The following RERE variants were observed in gnomAD, a reference collection of about 807,000 sequenced individuals.
RERE encodes the protein arginine-glutamic acid dipeptide repeats protein.
RERE carries 40 observed loss-of-function variants against 146.1 expected under a neutral mutation model. The observed-to-expected ratio is 0.27, with a 90% CI of 0.21 to 0.36. RERE has a LOEUF of 0.36. Ranked by LOEUF, RERE falls within the 10% of genes least tolerant of loss-of-function variation. The pLI, the probability that RERE is intolerant of heterozygous loss-of-function variation, is 1.00. For synonymous variants in RERE, 1,003 were observed against 866.0 expected, an observed-to-expected ratio of 1.16 and a Z score of -2.78; for missense variants, 1,933 against 2,138.7, an observed-to-expected ratio of 0.90 and a Z score of 1.90.
intron 7 of RERE, among the ~76,000 whole-genome samples, chr1:8,515,225 G>A (rs1038130639): frequency 3.3e-5 from 5 of 151,972 alleles, no homozygotes; most frequent in Non-Finnish European, 7.4e-5. Flanking sequence ...AGCTGGTCAC[G>A]GTGGCACGCA....
chr1:8,518,819 C>T (rs998910730), intron 7 of RERE, among the ~76,000 whole-genome samples: 1 of 152,146 alleles, frequency 6.6e-6, no homozygotes, highest in Non-Finnish European at 1.5e-5. Flanking sequence ...ATCATATATT[C>T]CCATTCATTT....
chr1:8,805,540 T>C (rs1237190215), intron 1 of RERE, among the ~76,000 whole-genome samples: 1 of 151,956 alleles, frequency 6.6e-6, no homozygotes, highest in Non-Finnish European at 1.5e-5. Context: ...TCCCAGCTAC[T>C]TGAGAGGCTG....
At chr1:8,379,426 T>C (rs1478768849) in intron 12 of RERE, among the ~76,000 whole-genome samples, 4 of 152,300 alleles carry the variant, frequency 2.6e-5, no homozygotes, top group East Asian at 1.9e-4. Context: ...TCCAAGCCAC[T>C]GTTCTGGGTT....
At chr1:8,355,201 A>AAC in intron 22 of RERE, 81 bp from the exon 23 acceptor site, 1 of 1,454,440 alleles carries the variant, frequency 6.9e-7, no homozygotes, top group Non-Finnish European at 9.6e-7. Context: ...CCCCAAAGAC[A>AAC]ACAGCCAGGC....
chr1:8,533,657 C>T (rs1482256010), intron 7 of RERE, among the ~76,000 whole-genome samples: 1 of 152,174 alleles, frequency 6.6e-6, no homozygotes, highest in Non-Finnish European at 1.5e-5. Flanking sequence ...CCTGTTACTC[C>T]CCTCTAGGTT....
At chr1:8,764,811 C>T (rs1411494964) in intron 1 of RERE, among the ~76,000 whole-genome samples, 1 of 152,208 alleles carries the variant, frequency 6.6e-6, no homozygotes, top group Admixed American at 6.5e-5. Flanking sequence ...CCACTTCACA[C>T]CCATCAGAAT....
chr1:8,421,229 C>T (rs565632547), intron 12 of RERE, among the ~76,000 whole-genome samples: 1 of 152,222 alleles, frequency 6.6e-6, no homozygotes, highest in Admixed American at 6.5e-5. Context: ...GAGAAATCTA[C>T]TCACTGATCT....
intron 7 of RERE, among the ~76,000 whole-genome samples, chr1:8,517,185 A>G (rs1349780410): frequency 1.3e-5 from 2 of 152,210 alleles, no homozygotes; most frequent in Non-Finnish European, 2.9e-5. Context: ...AAAAATTTAA[A>G]GTTTTAAAAA....
At chr1:8,532,493 T>C (rs1477906427) in intron 7 of RERE, among the ~76,000 whole-genome samples, 1 of 152,178 alleles carries the variant, frequency 6.6e-6, no homozygotes, top group Non-Finnish European at 1.5e-5. Flanking sequence ...CAATCTTGGA[T>C]CACTGCAACC....
chr1:8,429,073 TAG>T (rs1177799962), intron 11 of RERE, among the ~76,000 whole-genome samples: 2 of 152,152 alleles, frequency 1.3e-5, no homozygotes, highest in Non-Finnish European at 2.9e-5. Context: ...AACACCACCC[TAG>T]AACAATAAAA....
At chr1:8,382,996 T>C (rs1224649465) in intron 12 of RERE, among the ~76,000 whole-genome samples, 1 of 133,278 alleles carries the variant, frequency 7.5e-6, no homozygotes, top group African/African-American at 2.8e-5. Flanking sequence ...TAAAGGACTA[T>C]TTTAATTGAC....
intron 2 of RERE, among the ~76,000 whole-genome samples, chr1:8,648,860 TCAAA>T (rs1336139276): frequency 6.6e-6 from 1 of 151,184 alleles, no homozygotes; most frequent in Admixed American, 6.6e-5. Flanking sequence ...AATAGGACAA[TCAAA>T]CAAAATTATC....
chr1:8,713,142 C>T (rs1171316511), intron 1 of RERE, among the ~76,000 whole-genome samples: 1 of 152,150 alleles, frequency 6.6e-6, no homozygotes, highest in African/African-American at 2.4e-5. Flanking sequence ...GGAGGAGGAA[C>T]AGTTTGTCTT....
At chr1:8,718,960 G>T (rs17032760) in intron 1 of RERE, among the ~76,000 whole-genome samples, 7,238 of 152,138 alleles carry the variant, frequency 0.048, 571 homozygotes, top group African/African-American at 0.17. Context: ...TCGACTTATT[G>T]TAAAAACCTG....
chr1:8,713,849 C>G (rs1021992327), intron 1 of RERE, among the ~76,000 whole-genome samples: 3 of 152,126 alleles, frequency 2.0e-5, no homozygotes, highest in Admixed American at 1.3e-4. Context: ...TTACAATTTT[C>G]TGATTCCATT....
intron 4 of RERE, among the ~76,000 whole-genome samples, chr1:8,604,716 T>C (rs1375825848): frequency 6.6e-6 from 1 of 152,080 alleles, no homozygotes; most frequent in Non-Finnish European, 1.5e-5. Flanking sequence ...GAACGATCTT[T>C]CTGTATTTCT....
At chr1:8,593,477 A>G (rs1013162478) in intron 4 of RERE, among the ~76,000 whole-genome samples, 1 of 152,206 alleles carries the variant, frequency 6.6e-6, no homozygotes, top group Non-Finnish European at 1.5e-5. Context: ...GCCACCATGT[A>G]AAACATGACT....
intron 11 of RERE, among the ~76,000 whole-genome samples, chr1:8,443,554 T>C (rs1644280527): frequency 6.6e-6 from 1 of 150,770 alleles, no homozygotes; most frequent in African/African-American, 2.4e-5. Context: ...TTTGTGTAAC[T>C]AAAAGGGAGC....
At chr1:8,695,790 G>A (rs1639317455) in intron 1 of RERE, among the ~76,000 whole-genome samples, 1 of 151,722 alleles carries the variant, frequency 6.6e-6, no homozygotes, top group Non-Finnish European at 1.5e-5. Flanking sequence ...AAAGTAAACA[G>A]ACAACCTACA....
Sources: allele counts gnomAD v4.1 joint callset (sites outside exome capture counted in the v4.1 genomes callset), GRCh38; gene constraint gnomAD v4.1.1; transcripts MANE v1.5; gene names NCBI Gene and HGNC (gene_info 2026-07-23, HGNC 2026-07-21).